The following DACH1 variants were observed in gnomAD, a reference collection of about 807,000 sequenced individuals.
DACH1 encodes the protein dachshund family transcription factor 1.
DACH1 carries 12 observed loss-of-function variants against 54.2 expected under a neutral mutation model. That is an observed-to-expected ratio of 0.22 (90% confidence interval 0.14 to 0.36). The LOEUF is 0.36. Among genes scored for constraint, DACH1 ranks in the 10% least tolerant of loss-of-function variants. The pLI, the probability that DACH1 is intolerant of heterozygous loss-of-function variation, is 1.00. For synonymous variants in DACH1, 386 were observed against 366.2 expected (o/e 1.05, Z -0.62); for missense variants, 805 against 929.8 (o/e 0.87, Z 1.75).
chr13:71,697,017 A>G (rs1262741855), intron 1 of DACH1, among the ~76,000 whole-genome samples: 2 of 152,040 alleles, frequency 1.3e-5, no homozygotes, highest in Non-Finnish European at 2.9e-5. Context: ...TTCCCCAACC[A>G]CTACGCAAAG....
chr13:71,609,361 A>C (rs1366889346), intron 3 of DACH1, among the ~76,000 whole-genome samples: 1 of 152,160 alleles, frequency 6.6e-6, no homozygotes, highest in Non-Finnish European at 1.5e-5. Context: ...TCACAATGAT[A>C]TGTGGATAAG....
chr13:71,768,493 T>C (rs984589512), intron 1 of DACH1, among the ~76,000 whole-genome samples: 20 of 151,916 alleles, frequency 1.3e-4, no homozygotes, highest in African/African-American at 4.6e-4. Flanking sequence ...ATTCAACAAA[T>C]GTGACTGGAA....
chr13:71,462,338 A>ATAAT (rs1876148353), intron 10 of DACH1, among the ~76,000 whole-genome samples: 1 of 151,952 alleles, frequency 6.6e-6, no homozygotes, highest in African/African-American at 2.4e-5. Context: ...AAAGAGATAA[A>ATAAT]TAATTATATA....
At chr13:71,614,905 C>T (rs1453582895) in intron 3 of DACH1, among the ~76,000 whole-genome samples, 1 of 127,050 alleles carries the variant, frequency 7.9e-6, no homozygotes, top group Non-Finnish European at 1.7e-5. Context: ...TCTCCAAATA[C>T]AAGAAATCAT....
At chr13:71,814,713 A>T (rs1887843181) in intron 1 of DACH1, among the ~76,000 whole-genome samples, 1 of 152,246 alleles carries the variant, frequency 6.6e-6, no homozygotes, top group South Asian at 2.1e-4. Flanking sequence ...TAATTGCCAT[A>T]GCAATTGTCG....
At chr13:71,706,842 A>T (rs1015410187) in intron 1 of DACH1, among the ~76,000 whole-genome samples, 1 of 152,194 alleles carries the variant, frequency 6.6e-6, no homozygotes, top group Non-Finnish European at 1.5e-5. Context: ...TTTCCAACTG[A>T]ATTCTCACAT....
rs536316264 is a variant in DACH1, at chr13:71,674,490, C to T, written c.964+7305G>A. Among the ~76,000 whole-genome samples, 5 of 148,110 alleles carry T rather than the reference C, an allele frequency of 3.4e-5. No individual in the cohort carries two copies. In the East Asian group the frequency reaches 1.0e-3, roughly 30 times the overall value. ...ACACACACACACACACACACGAAGGCGACATTACCACAGAGTCAGAAATTG... is the reference window on the plus strand; with the variant it reads ...ACACACACACACACACACACGAAGGTGACATTACCACAGAGTCAGAAATTG... On this transcript the variant is annotated intron_variant, in intron 2 of 10. Transcript: ENST00000613252.
intron 3 of DACH1, among the ~76,000 whole-genome samples, chr13:71,601,731 A>T (rs1191567581): frequency 6.6e-6 from 1 of 152,162 alleles, no homozygotes; most frequent in Non-Finnish European, 1.5e-5. Flanking sequence ...TACAGTTTGT[A>T]GTCTAAAAGT....
Position 71,806,761 on chromosome 13 carries a change from A to T in DACH1, c.848+59161T>A, listed in dbSNP as rs1887522665. The stretch of plus-strand genomic sequence containing the variant: ...GTGAAATATTTTTCACTAACTTATC[A>T]TGGTATCACTCTACTTCTCTATGTA... On this transcript the variant is annotated intron_variant, in intron 1 of 10. Transcript: ENST00000613252. Among the ~76,000 whole-genome samples, 2 of 152,166 alleles carry T rather than the reference A, an allele frequency of 1.3e-5. 1 individual carries two copies. The highest frequency in any genetic ancestry group is 4.1e-4 in the South Asian group (2 of 4,830).
chr13:71,771,284 ACAC>A (rs546990420), intron 1 of DACH1, among the ~76,000 whole-genome samples: 6 of 150,810 alleles, frequency 4.0e-5, no homozygotes, highest in Non-Finnish European at 8.9e-5. Flanking sequence ...ATGAAGAAGA[ACAC>A]CACCAGCAAA....
chr13:71,766,364 C>G (rs1418214730), intron 1 of DACH1, among the ~76,000 whole-genome samples: 1 of 152,152 alleles, frequency 6.6e-6, no homozygotes, highest in Non-Finnish European at 1.5e-5. Flanking sequence ...TCTTGAGATT[C>G]TTAAGGTGAA....
At chr13:71,813,854 T>C (rs1452170374) in intron 1 of DACH1, among the ~76,000 whole-genome samples, 1 of 152,092 alleles carries the variant, frequency 6.6e-6, no homozygotes, top group African/African-American at 2.4e-5. Flanking sequence ...ATTTTATGGA[T>C]CAAGAGACCC....
chr13:71,656,736 T>A lies in DACH1; in HGVS notation c.964+25059A>T, dbSNP rs931982950. Among the ~76,000 whole-genome samples, 5 of 151,110 alleles carry A rather than the reference T, an allele frequency of 3.3e-5. No individual in the cohort carries two copies. The East Asian group carries it at 9.9e-4, about 30-fold the overall frequency. On this transcript the variant is annotated intron_variant, in intron 2 of 10. Coordinates refer to ENST00000613252, the MANE Select transcript of DACH1 (RefSeq NM_080759.6). ...TGTTATATCTCCAAACATTTTTGAA[T>A]AGTCAATCTGTACCATGGGAAAGAA... is the stretch of plus-strand genomic sequence containing the variant.
At chr13:71,695,003 TAA>T (rs1351288738) in intron 1 of DACH1, among the ~76,000 whole-genome samples, 1 of 152,176 alleles carries the variant, frequency 6.6e-6, no homozygotes, top group African/African-American at 2.4e-5. Flanking sequence ...AATAAAAGTA[TAA>T]GTTTTCTTAT....
chr13:71,623,881 A>C (rs1423808231), intron 3 of DACH1, among the ~76,000 whole-genome samples: 1 of 151,892 alleles, frequency 6.6e-6, no homozygotes, highest in Non-Finnish European at 1.5e-5. Flanking sequence ...GTCACACAAT[A>C]ACATATTCAC....
chr13:71,634,774 C>T (rs989380931), intron 2 of DACH1, among the ~76,000 whole-genome samples: 7 of 152,154 alleles, frequency 4.6e-5, no homozygotes, highest in Non-Finnish European at 1.0e-4. Context: ...ATCAGAGTCA[C>T]CCATGGAGTT....
At chr13:71,486,811 TTTATCTATCTA>T (rs1566289930) in intron 7 of DACH1, among the ~76,000 whole-genome samples, 3 of 10,824 alleles carry the variant, frequency 2.8e-4, no homozygotes, top group Non-Finnish European at 1.6e-3. Flanking sequence ...TATTTATTTA[TTTATCTATCTA>T]TCTATCTATC....
chr13:71,487,543 TGTA>T (rs1189952044), intron 7 of DACH1, among the ~76,000 whole-genome samples: 1 of 152,202 alleles, frequency 6.6e-6, no homozygotes, highest in Non-Finnish European at 1.5e-5. Context: ...GACTTTGAAA[TGTA>T]GTGGTCATAT....
chr13:71,458,078 C>T (rs569879360), intron 10 of DACH1, among the ~76,000 whole-genome samples: 1 of 151,852 alleles, frequency 6.6e-6, no homozygotes, highest in East Asian at 1.9e-4. Flanking sequence ...AAAAGATGAA[C>T]ACTCATTACC....
Sources: allele counts gnomAD v4.1 joint callset (sites outside exome capture counted in the v4.1 genomes callset), GRCh38; gene constraint gnomAD v4.1.1; transcripts MANE v1.5; gene names NCBI Gene and HGNC (gene_info 2026-07-23, HGNC 2026-07-21).